DNAJC11: variants seen among roughly 807,000 people sequenced by gnomAD.
DNAJC11 encodes the protein dnaJ homolog subfamily C member 11.
Under a neutral mutation model 78.6 loss-of-function variants are expected in DNAJC11, and 15 were observed. The observed-to-expected ratio is 0.19, with a 90% confidence interval of 0.13 to 0.29. DNAJC11 has a LOEUF of 0.29. Ranked by LOEUF, DNAJC11 falls within the 10% of genes least tolerant of loss-of-function variation. The pLI is 1.00. For synonymous variants in DNAJC11, 292 were observed against 272.1 expected (o/e 1.07, Z -0.72); for missense variants, 547 against 709.6 (o/e 0.77, Z 2.60).
intron 1 of DNAJC11, among the ~76,000 whole-genome samples, chr1:6,699,622 G>A (rs1034783865): frequency 3.9e-5 from 6 of 152,070 alleles, no homozygotes; most frequent in African/African-American, 7.2e-5. Flanking sequence ...AGAGACTTAA[G>A]GCTAAATAAG....
At chr1:6,690,181 T>C (rs544678579) in intron 1 of DNAJC11, among the ~76,000 whole-genome samples, 87 of 152,224 alleles carry the variant, frequency 5.7e-4, no homozygotes, top group African/African-American at 1.8e-3. Context: ...AAAGGCAACA[T>C]AGAAGGAAGA....
At chr1:6,637,775 T>A in intron 12 of DNAJC11, 3 of 554,656 alleles carry the variant, frequency 5.4e-6, no homozygotes, top group Non-Finnish European at 9.7e-6. Flanking sequence ...TTTCTAGGGA[T>A]CATTAATGCG....
rs376027555 is a variant in DNAJC11 at position 6,667,829 on chromosome 1, T to A, written c.277-19A>T. ...CCACAACCTATGCACAGAATCAAGA[T>A]GGGAAGACAGTTGAGGACCCAGGAG... On this transcript the variant is annotated intron_variant, in intron 3 of 15. Coordinates refer to ENST00000377577, the MANE Select transcript of DNAJC11 (RefSeq NM_018198.4). 205 of 1,610,808 alleles carry A rather than the reference T, an allele frequency of 1.3e-4. No homozygotes were observed. Among genetic ancestry groups the A allele is most frequent in the Non-Finnish European group, 1.6e-4 (192 of 1,177,900 alleles).
chr1:6,675,422 ATT>A (rs924728423), intron 3 of DNAJC11, among the ~76,000 whole-genome samples: 1 of 151,774 alleles, frequency 6.6e-6, no homozygotes, highest in Non-Finnish European at 1.5e-5. Flanking sequence ...TATTTATTTC[ATT>A]TTTTATTTTT....
At chr1:6,636,356 G>A in intron 14 of DNAJC11, 110 bp from the exon 15 acceptor site, 1 of 1,449,890 alleles carries the variant, frequency 6.9e-7, no homozygotes, top group Non-Finnish European at 9.2e-7. Flanking sequence ...TCCCTGGGGA[G>A]ATGCAAACTT....
At chr1:6,693,024 A>G (rs921152623) in intron 1 of DNAJC11, among the ~76,000 whole-genome samples, 4 of 149,840 alleles carry the variant, frequency 2.7e-5, no homozygotes, top group Non-Finnish European at 5.9e-5. Flanking sequence ...TCCTGTCTCA[A>G]CCTCCCAAGT....
chr1:6,654,291 C>T, intron 4 of DNAJC11: 1 of 347,262 alleles, frequency 2.9e-6, no homozygotes, highest in South Asian at 3.2e-5. Flanking sequence ...CGCATGTCTG[C>T]AGAGCAATGA....
Position 6,639,975 on chromosome 1 carries a change from C to T in DNAJC11, c.1180G>A (p.Val394Met), listed in dbSNP as rs148994820. 8.5e-5 allele frequency: 136 copies of T among 1,604,638 alleles called. No individual in the cohort carries two copies. The highest frequency in any genetic ancestry group is 6.4e-4 in the African/African-American group (47 of 73,314). The part of the protein sequence containing the change: ...LLPSAMFYAT[V>M]GPLVVYFAMH... ...GCAAAGTAGACCACTAGAGGCCCCA[C>T]GGTGGCATAGAACATGGCGCTGGGC... is the stretch of plus-strand genomic sequence containing the variant. Residue 394 changes from valine (V) to methionine (M), a missense_variant, in exon 11 of 16, where the codon GTG (valine) becomes ATG (methionine). By Grantham distance (21) the Val-to-Met change is conservative. Transcript: ENST00000377577.
intron 1 of DNAJC11, among the ~76,000 whole-genome samples, chr1:6,701,089 C>T (rs960431382): frequency 5.3e-5 from 8 of 152,164 alleles, no homozygotes; most frequent in African/African-American, 1.9e-4. Context: ...ACTTTTCTGG[C>T]CTAGGGCTTC....
intron 3 of DNAJC11, among the ~76,000 whole-genome samples, chr1:6,672,055 G>A (rs1418537679): frequency 6.6e-6 from 1 of 152,036 alleles, no homozygotes; most frequent in African/African-American, 2.4e-5. Context: ...GGCTGGTCTT[G>A]AACTCCTGAC....
Position 6,657,846 on chromosome 1 carries a change from C to T in DNAJC11, c.379-3807G>A, listed in dbSNP as rs182442850. ...ATTTTTAGTAGAGACGGGGTTTCAC[C>T]GTGTTAGCCAGGATGGTCTCGATCT... is the stretch of plus-strand genomic sequence containing the variant. On this transcript the variant is annotated intron_variant, in intron 4 of 15. Coordinates refer to ENST00000377577, the MANE Select transcript of DNAJC11 (RefSeq NM_018198.4). Among the ~76,000 whole-genome samples, 52 of 152,296 alleles carry T rather than the reference C, an allele frequency of 3.4e-4. 1 individual carries two copies. The highest frequency in any genetic ancestry group is 1.1e-3 in the African/African-American group (45 of 41,576).
intron 7 of DNAJC11, among the ~76,000 whole-genome samples, chr1:6,649,802 G>C (rs1642026079): frequency 6.6e-6 from 1 of 150,476 alleles, no homozygotes; most frequent in South Asian, 2.1e-4. Context: ...CCGCCTCCTG[G>C]GTTCAAGAGA....
intron 4 of DNAJC11, among the ~76,000 whole-genome samples, chr1:6,661,084 GCAGA>G (rs1642204843): frequency 2.0e-5 from 3 of 152,158 alleles, no homozygotes; most frequent in Admixed American, 2.0e-4. Flanking sequence ...TTTGATCCAC[GCAGA>G]CACTGTGTAG....
chr1:6,700,228 C>A (rs1642903328), intron 1 of DNAJC11, among the ~76,000 whole-genome samples: 1 of 152,158 alleles, frequency 6.6e-6, no homozygotes, highest in South Asian at 2.1e-4. Flanking sequence ...AGATCCACCC[C>A]CTGCCCACAA....
chr1:6,655,850 T>C (rs1642118078), intron 4 of DNAJC11, among the ~76,000 whole-genome samples: 1 of 151,630 alleles, frequency 6.6e-6, no homozygotes, highest in Admixed American at 6.6e-5. Flanking sequence ...ATGCCTGTAA[T>C]CCCAGCACTT....
chr1:6,692,477 C>A (rs933335164), intron 1 of DNAJC11, among the ~76,000 whole-genome samples: 1 of 151,982 alleles, frequency 6.6e-6, no homozygotes, highest in African/African-American at 2.4e-5. Flanking sequence ...TACTCCCATA[C>A]TTAGCCCCAA....
intron 1 of DNAJC11, among the ~76,000 whole-genome samples, chr1:6,686,204 CTT>C (rs926854208): frequency 3.3e-5 from 5 of 152,082 alleles, no homozygotes; most frequent in East Asian, 1.9e-4. Context: ...AACTTAATAA[CTT>C]AAGAATGTAA....
chr1:6,693,629 G>A (rs1295495494), intron 1 of DNAJC11, among the ~76,000 whole-genome samples: 5 of 151,952 alleles, frequency 3.3e-5, no homozygotes, highest in South Asian at 2.1e-4. Context: ...TGATTCACCC[G>A]CCTCAGCCTC....
At chr1:6,700,212 T>G (rs1056328245) in intron 1 of DNAJC11, among the ~76,000 whole-genome samples, 1 of 152,208 alleles carries the variant, frequency 6.6e-6, no homozygotes, top group Non-Finnish European at 1.5e-5. Flanking sequence ...GAGAATGTAC[T>G]TTGTGAGATC....
Sources: gnomAD v4.1 joint callset for allele counts (sites outside exome capture counted in the v4.1 genomes callset) on GRCh38, gnomAD v4.1.1 for gene constraint, MANE v1.5 for transcripts, NCBI Gene and HGNC (gene_info 2026-07-23, HGNC 2026-07-21) for gene names.